HMBOX1: variants seen among roughly 807,000 people sequenced by gnomAD.
The protein encoded by HMBOX1 is homeobox containing 1.
In HMBOX1, 14 loss-of-function variants were observed where a neutral mutation model predicts 54.5. That is an observed-to-expected ratio of 0.26 (90% confidence interval 0.17 to 0.40). The LOEUF is 0.40. Among genes scored for constraint, HMBOX1 ranks in the 10% least tolerant of loss-of-function variants. The pLI is 1.00. For missense variants in HMBOX1, 332 were observed against 514.4 expected (o/e 0.65, Z 3.43); for synonymous variants, 160 against 181.0 (o/e 0.88, Z 0.93).
chr8:29,039,008 T>C (rs1804395716), intron 6 of HMBOX1, among the ~76,000 whole-genome samples: 1 of 152,214 alleles, frequency 6.6e-6, no homozygotes, highest in Non-Finnish European at 1.5e-5. Context: ...TTCCTCTGCC[T>C]GACAGCATTT....
intron 4 of HMBOX1, among the ~76,000 whole-genome samples, chr8:29,002,444 G>A (rs974023917): frequency 2.6e-5 from 4 of 152,294 alleles, no homozygotes; most frequent in Admixed American, 6.5e-5. Flanking sequence ...TGCAGTGTTG[G>A]AGGGGATTAC....
chr8:29,038,719 T>C (rs1221167861), intron 6 of HMBOX1, among the ~76,000 whole-genome samples: 1 of 152,148 alleles, frequency 6.6e-6, no homozygotes, highest in Non-Finnish European at 1.5e-5. Flanking sequence ...TTTGAGGCCT[T>C]CTCCACAGCC....
intron 6 of HMBOX1, among the ~76,000 whole-genome samples, chr8:29,034,456 T>C (rs796650791): frequency 1.1e-4 from 16 of 152,358 alleles, no homozygotes; most frequent in African/African-American, 3.6e-4. Context: ...GTGAAGAAAT[T>C]TATTTAGCTT....
At position 28,958,670 on chromosome 8, in the gene HMBOX1, T is replaced by G. The variant is rs564503982; in HGVS notation, c.-57-5141T>G. On this transcript the variant is annotated intron_variant, in intron 1 of 9. Coordinates refer to ENST00000287701, the MANE Select transcript of HMBOX1 (RefSeq NM_001135726.3). ...AAAGTGAAATTACACACATAGATACTCTCTCTATATATATTTATTGTGTGT... is the reference window on the plus strand; with the variant it reads ...AAAGTGAAATTACACACATAGATACGCTCTCTATATATATTTATTGTGTGT... Among the ~76,000 whole-genome samples, 236 of 150,720 alleles carry G rather than the reference T, an allele frequency of 1.6e-3. 2 individuals carry two copies. Among genetic ancestry groups the G allele is most frequent in the African/African-American group, 5.6e-3 (227 of 40,502 alleles).
At chr8:28,914,464 A>G (rs1407549024) in intron 1 of HMBOX1, among the ~76,000 whole-genome samples, 3 of 152,220 alleles carry the variant, frequency 2.0e-5, no homozygotes, top group African/African-American at 4.8e-5. Context: ...AAATCGCCTC[A>G]TCAGAATCAT....
At position 29,051,735 on chromosome 8, in the gene HMBOX1, G is replaced by C; in HGVS notation, c.*580G>C. 1 of 621,820 alleles carries C rather than the reference G, an allele frequency of 1.6e-6. No homozygotes were observed. The highest frequency in any genetic ancestry group is 3.0e-6 in the Non-Finnish European group (1 of 337,182). The allele number at this position is 621,820 out of a possible 1,614,324, so 38.5% of individuals were successfully genotyped here. A position where few individuals can be genotyped will look rare whatever the true frequency, so the allele number is the denominator to read the frequency against. On this transcript the variant is annotated 3_prime_UTR_variant, in exon 10 of 10. Transcript: ENST00000287701. ...TAGATTATACTTCTTTGGGTGCTGTGCTAAGAATGTCAATGGAAAAAGCCG... is the reference window on the plus strand; with the variant it reads ...TAGATTATACTTCTTTGGGTGCTGTCCTAAGAATGTCAATGGAAAAAGCCG...
At chr8:28,988,724 ATCT>A (rs1027212413) in intron 4 of HMBOX1, among the ~76,000 whole-genome samples, 1 of 151,986 alleles carries the variant, frequency 6.6e-6, no homozygotes, top group Non-Finnish European at 1.5e-5. Flanking sequence ...TTATTCATGT[ATCT>A]TCTTGGGTGA....
At chr8:28,950,219 A>G (rs2132114098) in intron 1 of HMBOX1, among the ~76,000 whole-genome samples, 1 of 152,296 alleles carries the variant, frequency 6.6e-6, no homozygotes, top group South Asian at 2.1e-4. Context: ...TTCCAAGTGG[A>G]ATTATCTTAG....
At chr8:29,026,921 G>C (rs1377163633) in intron 6 of HMBOX1, among the ~76,000 whole-genome samples, 1 of 152,178 alleles carries the variant, frequency 6.6e-6, no homozygotes, top group Admixed American at 6.5e-5. Flanking sequence ...GATGAAACAA[G>C]AATGGCAAAA....
At chr8:29,003,561 T>TATATATATATATAC (rs1832986943) in intron 4 of HMBOX1, among the ~76,000 whole-genome samples, 1 of 129,666 alleles carries the variant, frequency 7.7e-6, no homozygotes, top group Non-Finnish European at 1.7e-5. Flanking sequence ...ATTAAATATA[T>TATATATATATATAC]ATATATATAT....
chr8:28,951,364 C>T (rs544833293), intron 1 of HMBOX1, among the ~76,000 whole-genome samples: 2 of 152,286 alleles, frequency 1.3e-5, no homozygotes, highest in Admixed American at 1.3e-4. Flanking sequence ...ATCTCTTGAC[C>T]TTATGATCCG....
intron 3 of HMBOX1, among the ~76,000 whole-genome samples, chr8:28,975,791 TA>T (rs927551855): frequency 6.6e-6 from 1 of 151,634 alleles, no homozygotes; most frequent in African/African-American, 2.4e-5. Context: ...TTATTCTTTT[TA>T]AGGAGGATGT....
At chr8:28,977,868 C>A (rs1267461606) in intron 3 of HMBOX1, among the ~76,000 whole-genome samples, 7 of 151,076 alleles carry the variant, frequency 4.6e-5, no homozygotes. Flanking sequence ...GACGTGAACC[C>A]GGGAGGCGGA....
At position 29,052,579 on chromosome 8, in the gene HMBOX1, G is replaced by A. The variant is rs1351125145; in HGVS notation, c.*1424G>A. 6.6e-6 allele frequency: 1 copy of A among 151,750 alleles called. No homozygotes were observed. The highest frequency in any genetic ancestry group is 1.5e-5 in the Non-Finnish European group (1 of 67,958). The allele number at this position is 151,750 out of a possible 1,614,324, so 9.4% of individuals were successfully genotyped here. The stretch of plus-strand genomic sequence containing the variant: ...ACTCAAAATACCAAACAGTGAACTT[G>A]CATTCTAAAGTCACCCTGTGATCAC... On this transcript the variant is annotated 3_prime_UTR_variant, in exon 10 of 10. Transcript: ENST00000287701.
chr8:29,048,107 TTTC>T (rs1300819715), intron 8 of HMBOX1, among the ~76,000 whole-genome samples: 1 of 152,186 alleles, frequency 6.6e-6, no homozygotes, highest in East Asian at 1.9e-4. Context: ...ATACCCAGAA[TTTC>T]TTCATTATTA....
intron 1 of HMBOX1, among the ~76,000 whole-genome samples, chr8:28,894,673 C>T (rs2131495512): frequency 6.6e-6 from 1 of 152,190 alleles, no homozygotes; most frequent in Non-Finnish European, 1.5e-5. Context: ...TTGATGTAAA[C>T]TTTTAGTTGC....
intron 1 of HMBOX1, chr8:28,956,010 G>A (rs1027454019): frequency 1.3e-5 from 2 of 149,700 alleles, no homozygotes; most frequent in South Asian, 2.1e-4. Context: ...ATTTCCTTAT[G>A]TATGGTTACT....
At chr8:28,991,709 T>C (rs1358219892) in intron 4 of HMBOX1, among the ~76,000 whole-genome samples, 5 of 152,194 alleles carry the variant, frequency 3.3e-5, no homozygotes, top group South Asian at 2.1e-4. Context: ...TTTAAACATA[T>C]TGTCTTTTGC....
chr8:28,902,183 G>C (rs989281681), intron 1 of HMBOX1, among the ~76,000 whole-genome samples: 1 of 152,100 alleles, frequency 6.6e-6, no homozygotes, highest in Non-Finnish European at 1.5e-5. Context: ...CAGGGGTGAG[G>C]GGACTGAATT....
Sources: gnomAD v4.1 joint callset for allele counts (sites outside exome capture counted in the v4.1 genomes callset) on GRCh38, gnomAD v4.1.1 for gene constraint, MANE v1.5 for transcripts, NCBI Gene and HGNC (gene_info 2026-07-23, HGNC 2026-07-21) for gene names.